Variants in FRMPD4 observed in about 807,000 individuals in gnomAD.
FRMPD4 encodes FERM and PDZ domain-containing protein 4.
In FRMPD4, 22 loss-of-function variants were observed where a neutral mutation model predicts 94.1. The ratio of observed to expected loss-of-function variants is 0.23; its 90% CI spans 0.17 to 0.33. The LOEUF is 0.33. Ranked by LOEUF, FRMPD4 falls within the 10% of genes least tolerant of loss-of-function variation. FRMPD4 has a pLI of 1.00. For synonymous variants in FRMPD4, 631 were observed against 548.6 expected (o/e 1.15, Z -2.10); for missense variants, 1,111 against 1,339.9 (o/e 0.83, Z 2.67).
At chrX:11,972,697 C>T (rs1659543328) in intron 3 of FRMPD4, among the ~76,000 whole-genome samples, 1 of 112,053 alleles carries the variant, frequency 8.9e-6, no homozygotes, top group African/African-American at 3.2e-5. Flanking sequence ...CTATTCTTTG[C>T]AGTGTCAACA....
rs184576742 is a variant in FRMPD4, at chrX:12,666,412, G to A, written c.423-8451G>A. ...CAAGGATATTCAGGACTTGAACTCA[G>A]CTCTGGACCAAGTGGACCTAATACA... is the stretch of plus-strand genomic sequence containing the variant. On this transcript the variant is annotated intron_variant, in intron 4 of 16. Transcript: ENST00000675598. Among the ~76,000 whole-genome samples the A allele has an allele frequency of 2.9e-3, 322 of 111,478 alleles. 2 individuals are homozygous for A. The highest frequency in any genetic ancestry group is 0.01 in the African/African-American group (311 of 30,684).
intron 1 of FRMPD4, among the ~76,000 whole-genome samples, chrX:12,474,885 AAGG>A (rs2057572367): frequency 9.0e-6 from 1 of 111,636 alleles, no homozygotes; most frequent in Non-Finnish European, 1.9e-5. Context: ...CCAGAGGTAC[AAGG>A]AGGAGCTGGT....
chrX:12,704,428 G>A lies in FRMPD4; in HGVS notation c.1140G>A (p.Lys380=). ...VLQSMKEKNI[K]KALSHLVKAN... The stretch of plus-strand genomic sequence containing the variant: ...AAAGCATGAAAGAGAAGAACATAAA[G>A]AAAGCACTTTCACACCTTGTCAAAG... Residue 380 remains lysine (K), a synonymous_variant, in exon 11 of 17, where the codon AAG becomes AAA. Coordinates refer to ENST00000675598, the MANE Select transcript of FRMPD4 (RefSeq NM_001368397.1). 8.4e-7 allele frequency: 1 copy of A among 1,191,487 alleles called. No homozygotes were observed. The highest frequency in any genetic ancestry group is 1.1e-6 in the Non-Finnish European group (1 of 880,095).
intron 3 of FRMPD4, among the ~76,000 whole-genome samples, chrX:12,074,139 T>C (rs1447756287): frequency 2.7e-5 from 3 of 112,403 alleles, no homozygotes; most frequent in African/African-American, 9.7e-5. Flanking sequence ...GTGTTTGTTA[T>C]ACAGGAATAA....
intron 1 of FRMPD4, among the ~76,000 whole-genome samples, chrX:12,364,733 A>G (rs1452069175): frequency 8.9e-6 from 1 of 111,733 alleles, no homozygotes; most frequent in African/African-American, 3.3e-5. Flanking sequence ...TATAGAAGCT[A>G]GAAACATGGT....
intron 1 of FRMPD4, among the ~76,000 whole-genome samples, chrX:12,141,133 T>C (rs759604643): frequency 3.6e-5 from 4 of 112,371 alleles, no homozygotes; most frequent in South Asian, 3.7e-4. Flanking sequence ...TAAACACTGT[T>C]ACAGAAAGCA....
intron 1 of FRMPD4, among the ~76,000 whole-genome samples, chrX:12,266,547 G>A (rs2054280120): frequency 9.0e-6 from 1 of 111,582 alleles, no homozygotes; most frequent in Non-Finnish European, 1.9e-5. Context: ...TCATTCTATT[G>A]GTGAAAGCAG....
intron 3 of FRMPD4, among the ~76,000 whole-genome samples, chrX:11,878,211 A>G (rs1239227628): frequency 8.9e-6 from 1 of 112,278 alleles, no homozygotes; most frequent in Non-Finnish European, 1.9e-5. Flanking sequence ...AAATTTAAAA[A>G]GAATATTGGA....
chrX:11,879,202 C>T (rs1285704273), intron 3 of FRMPD4, among the ~76,000 whole-genome samples: 1 of 111,930 alleles, frequency 8.9e-6, no homozygotes, highest in African/African-American at 3.2e-5. Flanking sequence ...AAGCTGTTGG[C>T]TTGCAACATA....
intron 1 of FRMPD4, among the ~76,000 whole-genome samples, chrX:12,248,167 T>C (rs2053981129): frequency 1.8e-5 from 2 of 112,548 alleles, no homozygotes; most frequent in Non-Finnish European, 3.8e-5. Flanking sequence ...ACACAAAGTA[T>C]AACAATTCCA....
intron 1 of FRMPD4, among the ~76,000 whole-genome samples, chrX:11,853,613 A>T (rs1052384637): frequency 8.9e-6 from 1 of 111,848 alleles, no homozygotes; most frequent in Non-Finnish European, 1.9e-5. Flanking sequence ...TATGCACATA[A>T]ACTAGAAAAA....
intron 1 of FRMPD4, among the ~76,000 whole-genome samples, chrX:11,851,482 A>G (rs2053621761): frequency 9.0e-6 from 1 of 111,301 alleles, no homozygotes; most frequent in African/African-American, 3.3e-5. Flanking sequence ...GGGGAACCCA[A>G]CTAAGGTTCC....
At chrX:12,282,623 C>T (rs1006833425) in intron 1 of FRMPD4, among the ~76,000 whole-genome samples, 2 of 111,554 alleles carry the variant, frequency 1.8e-5, no homozygotes, top group Non-Finnish European at 1.9e-5. Flanking sequence ...AACTACTCTG[C>T]GGCTAGGCCT....
intron 2 of FRMPD4, among the ~76,000 whole-genome samples, chrX:12,535,158 TTCTTC>T (rs930353641): frequency 9.0e-6 from 1 of 111,691 alleles, no homozygotes; most frequent in African/African-American, 3.3e-5. Flanking sequence ...CCCAGCAAGT[TTCTTC>T]TCTTGTCTGC....
chrX:12,708,424 G>A (rs191777951), intron 13 of FRMPD4, among the ~76,000 whole-genome samples: 19 of 103,856 alleles, frequency 1.8e-4, no homozygotes, highest in East Asian at 3.0e-4. Context: ...AGCCGAGATC[G>A]TGCCATTGAA....
intron 2 of FRMPD4, among the ~76,000 whole-genome samples, chrX:12,523,070 GTTGTT>G (rs1281964318): frequency 8.9e-6 from 1 of 112,119 alleles, no homozygotes; most frequent in Non-Finnish European, 1.9e-5. Flanking sequence ...GGACTTTGTT[GTTGTT>G]TTATTTTTCT....
At chrX:12,339,979 C>T (rs1341936594) in intron 1 of FRMPD4, among the ~76,000 whole-genome samples, 3 of 112,161 alleles carry the variant, frequency 2.7e-5, no homozygotes, top group Non-Finnish European at 5.6e-5. Flanking sequence ...ATGGGATTTT[C>T]CCTCTACTCA....
At chrX:12,184,058 A>T (rs763837856) in intron 1 of FRMPD4, among the ~76,000 whole-genome samples, 4 of 110,816 alleles carry the variant, frequency 3.6e-5, no homozygotes, top group Admixed American at 2.9e-4. Context: ...AAAGTGGAGC[A>T]TATCACCTGG....
At chrX:12,240,573 C>G (rs2057117945) in intron 1 of FRMPD4, among the ~76,000 whole-genome samples, 1 of 112,267 alleles carries the variant, frequency 8.9e-6, no homozygotes, top group African/African-American at 3.2e-5. Flanking sequence ...TTCCCTCTCC[C>G]CAAGCTGTCA....
Sources: gnomAD v4.1 joint callset for allele counts (sites outside exome capture counted in the v4.1 genomes callset) on GRCh38, gnomAD v4.1.1 for gene constraint, MANE v1.5 for transcripts, NCBI Gene and HGNC (gene_info 2026-07-23, HGNC 2026-07-21) for gene names.